PRDM5: variants seen among roughly 807,000 people sequenced by gnomAD.
The protein encoded by PRDM5 is PR/SET domain 5.
PRDM5 carries 56 observed loss-of-function variants against 81.2 expected under a neutral mutation model. That is an observed-to-expected ratio of 0.69 (90% CI 0.56 to 0.86). The LOEUF (loss-of-function observed/expected upper bound fraction) is 0.86. Among genes scored for constraint, PRDM5 ranks in the 40% least tolerant of loss-of-function variants. The probability of loss-of-function intolerance (pLI) is 0.00; values close to 1 mark genes in which losing one functional copy is unlikely to be tolerated. For synonymous variants in PRDM5, 267 were observed against 256.4 expected (o/e 1.04, Z -0.39); for missense variants, 697 against 770.1 (o/e 0.91, Z 1.12).
intron 3 of PRDM5, among the ~76,000 whole-genome samples, chr4:120,829,528 C>T (rs1007588161): frequency 6.6e-6 from 1 of 152,072 alleles, no homozygotes; most frequent in Admixed American, 6.6e-5. Flanking sequence ...CAGTAAAAGT[C>T]TCTTGTTTCA....
intron 1 of PRDM5, among the ~76,000 whole-genome samples, chr4:120,909,028 G>GT (rs1766176889): frequency 1.3e-5 from 2 of 152,230 alleles, no homozygotes; most frequent in Non-Finnish European, 2.9e-5. Flanking sequence ...GGGGAGAAGA[G>GT]TTAACACTTA....
rs186475685 is a variant in PRDM5, at chr4:120,839,075, G to A, written c.300+14343C>T. ...GGAACACAGTGGCATCCAGAAGCTC[G>A]GAGACACCAGGAACTGCAGCACCCC... On this transcript the variant is annotated intron_variant, in intron 3 of 15. Transcript: ENST00000264808. 80 of 579,562 alleles carry A rather than the reference G, an allele frequency of 1.4e-4. No individual in the cohort carries two copies. The East Asian group carries it at 1.4e-3, about 10-fold the overall frequency. 35.9% of individuals were successfully genotyped at this position (579,562 alleles called of 1,614,324 possible).
intron 10 of PRDM5, among the ~76,000 whole-genome samples, chr4:120,796,155 T>G (rs758304291): frequency 6.6e-6 from 1 of 152,210 alleles, no homozygotes; most frequent in Non-Finnish European, 1.5e-5. Flanking sequence ...CTGTGGCATA[T>G]CCTTACTTCT....
chr4:120,808,099 G>T (rs936407457), intron 8 of PRDM5, among the ~76,000 whole-genome samples: 1 of 152,114 alleles, frequency 6.6e-6, no homozygotes, highest in Admixed American at 6.5e-5. Context: ...AAGACTTATT[G>T]CAAAGAGCAA....
At chr4:120,786,284 G>T (rs79376371) in intron 10 of PRDM5, among the ~76,000 whole-genome samples, 14,763 of 152,118 alleles carry the variant, frequency 0.097, 954 homozygotes, top group Non-Finnish European at 0.14. Context: ...GAAAGATATA[G>T]AGAAAGCATG....
intron 14 of PRDM5, among the ~76,000 whole-genome samples, chr4:120,713,038 C>T (rs1045178759): frequency 2.6e-5 from 4 of 152,182 alleles, no homozygotes; most frequent in African/African-American, 9.6e-5. Context: ...ATAAACCAAG[C>T]TAATAAACCA....
intron 1 of PRDM5, among the ~76,000 whole-genome samples, chr4:120,920,537 T>C (rs1455863796): frequency 6.6e-6 from 1 of 152,238 alleles, no homozygotes; most frequent in African/African-American, 2.4e-5. Flanking sequence ...GATACTCAGC[T>C]GCAGCCTCAC....
intron 3 of PRDM5, among the ~76,000 whole-genome samples, chr4:120,848,189 T>C (rs549895723): frequency 3.9e-5 from 6 of 152,258 alleles, no homozygotes; most frequent in African/African-American, 1.4e-4. Flanking sequence ...TAAGGACAGT[T>C]TGGGAACATA....
At chr4:120,740,183 T>C (rs957778408) in intron 14 of PRDM5, among the ~76,000 whole-genome samples, 5 of 152,086 alleles carry the variant, frequency 3.3e-5, no homozygotes, top group African/African-American at 1.2e-4. Flanking sequence ...CTAGAAACAA[T>C]AAAAGATTCA....
At chr4:120,818,582 G>T in intron 4 of PRDM5, 55 bp from the exon 5 acceptor site, 1 of 1,427,298 alleles carries the variant, frequency 7.0e-7, no homozygotes, top group Non-Finnish European at 9.9e-7. Flanking sequence ...GCCAAGAAAT[G>T]CTCAGTTTTG....
At chr4:120,808,013 G>A (rs1753240968) in intron 8 of PRDM5, among the ~76,000 whole-genome samples, 1 of 152,182 alleles carries the variant, frequency 6.6e-6, no homozygotes, top group Admixed American at 6.5e-5. Context: ...ACTGGCCTCA[G>A]GAGAGAAGCT....
intron 2 of PRDM5, among the ~76,000 whole-genome samples, chr4:120,883,472 A>C (rs372023913): frequency 3.0e-4 from 45 of 152,072 alleles, no homozygotes; most frequent in East Asian, 2.9e-3. Context: ...AAAAGTACAC[A>C]CATTCATCTC....
At chr4:120,716,141 C>T (rs917466740) in intron 14 of PRDM5, among the ~76,000 whole-genome samples, 4 of 152,138 alleles carry the variant, frequency 2.6e-5, no homozygotes, top group Admixed American at 1.3e-4. Flanking sequence ...ACACATTATC[C>T]ACTCACATAC....
At position 120,818,493 on chromosome 4, in the gene PRDM5, A is replaced by C; in HGVS notation, c.510T>G (p.Pro170=). 6.2e-7 allele frequency: 1 copy of C among 1,613,790 alleles called. No individual in the cohort carries two copies. Among genetic ancestry groups the C allele is most frequent in the Non-Finnish European group, 8.5e-7 (1 of 1,179,696 alleles). Residue 170 remains proline, a synonymous_variant, in exon 5 of 16, where the codon CCT becomes CCG. Transcript: ENST00000264808. ...CACTGGTAAAACTCGATTCACATTG[A>C]GGACAAGCATAGTCCTCTTTACAGC... The part of the protein sequence containing the change: ...RLGCKEDYAC[P]QCESSFTSED...
At chr4:120,840,415 C>T (rs1348711953) in intron 3 of PRDM5, among the ~76,000 whole-genome samples, 1 of 152,016 alleles carries the variant, frequency 6.6e-6, no homozygotes. Flanking sequence ...GCAGGGTGGA[C>T]CCCATGGACA....
chr4:120,723,853 C>A (rs192630686), intron 14 of PRDM5, among the ~76,000 whole-genome samples: 2 of 151,046 alleles, frequency 1.3e-5, no homozygotes, highest in Admixed American at 1.3e-4. Context: ...CATGTATCAT[C>A]CTCGTTGTTT....
intron 2 of PRDM5, among the ~76,000 whole-genome samples, chr4:120,885,131 T>A (rs1763275094): frequency 3.1e-5 from 2 of 65,384 alleles, no homozygotes. Context: ...CAAGACTCCG[T>A]ATCAAAAAAA....
chr4:120,685,046 T>C (rs965540307), intron 1 of PRDM5: 2 of 152,058 alleles, frequency 1.3e-5, no homozygotes, highest in African/African-American at 4.8e-5. Flanking sequence ...AAAGATGTAT[T>C]CAGATTCATA....
intron 13 of PRDM5, 22 bp downstream of exon 13, chr4:120,777,166 A>C: frequency 6.2e-7 from 1 of 1,613,050 alleles, no homozygotes; most frequent in Non-Finnish European, 8.5e-7. Flanking sequence ...TTTTTTCACT[A>C]GTCTAATTAC....
Sources: allele counts gnomAD v4.1 joint callset (sites outside exome capture counted in the v4.1 genomes callset), GRCh38; gene constraint gnomAD v4.1.1; transcripts MANE v1.5; gene names NCBI Gene and HGNC (gene_info 2026-07-23, HGNC 2026-07-21).